Variants in ERO1A observed in about 807,000 individuals in gnomAD.
The protein encoded by ERO1A is endoplasmic reticulum oxidoreductase 1 alpha.
ERO1A carries 49 observed loss-of-function variants against 76.9 expected under a neutral mutation model. The observed-to-expected ratio is 0.64, with a 90% CI of 0.51 to 0.81. ERO1A has a LOEUF of 0.81. ERO1A is among the 30% of genes least tolerant of loss of function. The probability of loss-of-function intolerance (pLI) is 0.00; values close to 1 mark genes in which losing one functional copy is unlikely to be tolerated. For missense variants in ERO1A, 448 were observed against 542.1 expected (o/e 0.83, Z 1.72); for synonymous variants, 174 against 181.2 (o/e 0.96, Z 0.32).
intron 3 of ERO1A, among the ~76,000 whole-genome samples, chr14:52,681,597 C>G (rs1172233977): frequency 6.6e-6 from 1 of 150,826 alleles, no homozygotes; most frequent in African/African-American, 2.4e-5. Flanking sequence ...GGTGAGACAT[C>G]ATGTCAAAAA....
chr14:52,665,857 T>C (rs1194225607), intron 7 of ERO1A, among the ~76,000 whole-genome samples: 14 of 152,182 alleles, frequency 9.2e-5, no homozygotes, highest in Admixed American at 5.9e-4. Flanking sequence ...CACAGGGTTA[T>C]TGCAAGGACT....
Position 52,674,204 on chromosome 14 carries a change from A to C in ERO1A, c.358-2333T>G, listed in dbSNP as rs1253353964. ...TTACTTTCAGTCTATCGATTAAATG[A>C]AATAAATCGAACAATTTTTTTTTCT... On this transcript the variant is annotated intron_variant, in intron 4 of 15. Coordinates refer to ENST00000395686, the MANE Select transcript of ERO1A (RefSeq NM_014584.3). Among the ~76,000 whole-genome samples the C allele has an allele frequency of 2.0e-5, 3 of 152,316 alleles. No homozygotes were observed. In the East Asian group the frequency reaches 5.8e-4, roughly 29 times the overall value.
chr14:52,671,409 T>C (rs1479722116), intron 6 of ERO1A, among the ~76,000 whole-genome samples: 2 of 152,166 alleles, frequency 1.3e-5, no homozygotes, highest in African/African-American at 4.8e-5. Context: ...GCCAAACCGT[T>C]AGAAACTGAG....
chr14:52,671,338 A>G (rs2040589999), intron 6 of ERO1A, among the ~76,000 whole-genome samples: 1 of 152,160 alleles, frequency 6.6e-6, no homozygotes, highest in African/African-American at 2.4e-5. Context: ...TTTTGAGTAT[A>G]TACCTAGAAA....
chr14:52,670,466 G>C (rs898270057), intron 6 of ERO1A, among the ~76,000 whole-genome samples: 1 of 152,136 alleles, frequency 6.6e-6, no homozygotes, highest in African/African-American at 2.4e-5. Context: ...TGCAACCTCT[G>C]CCTCCTGGGT....
intron 6 of ERO1A, among the ~76,000 whole-genome samples, chr14:52,668,094 A>C (rs1371204859): frequency 6.6e-6 from 1 of 152,196 alleles, no homozygotes; most frequent in Non-Finnish European, 1.5e-5. Flanking sequence ...AGTGGCAATT[A>C]AAATAACTAG....
chr14:52,647,289 T>C (rs2039704901), intron 13 of ERO1A, among the ~76,000 whole-genome samples: 3 of 151,298 alleles, frequency 2.0e-5, no homozygotes, highest in South Asian at 4.2e-4. Flanking sequence ...CGTGAGCCAC[T>C]GTGCCCAGCC....
chr14:52,666,773 A>G (rs1446289318), intron 6 of ERO1A, among the ~76,000 whole-genome samples: 1 of 152,184 alleles, frequency 6.6e-6, no homozygotes, highest in African/African-American at 2.4e-5. Context: ...TCTACTAAAA[A>G]TACAAAAATT....
At chr14:52,692,649 C>G (rs1011125896) in intron 1 of ERO1A, among the ~76,000 whole-genome samples, 7 of 152,148 alleles carry the variant, frequency 4.6e-5, no homozygotes, top group African/African-American at 1.7e-4. Context: ...CTGTGCCTCC[C>G]ACGAATCCCC....
rs151129681 is a variant in ERO1A at position 52,690,206 on chromosome 14, G to C, written c.114+5162C>G. On this transcript the variant is annotated intron_variant, in intron 1 of 15. Coordinates refer to ENST00000395686, the MANE Select transcript of ERO1A (RefSeq NM_014584.3). The stretch of plus-strand genomic sequence containing the variant: ...ATAGGAGAAAAGCTCCATGACATTA[G>C]TCTTGGCAATGATTTTTTATGTGAC... 2.9e-3 allele frequency among the ~76,000 whole-genome samples: 439 copies of C among 152,214 alleles called. 1 individual carries two copies. Among genetic ancestry groups the C allele is most frequent in the African/African-American group, 9.9e-3 (413 of 41,546 alleles).
intron 1 of ERO1A, among the ~76,000 whole-genome samples, chr14:52,693,890 T>A (rs1485242162): frequency 1.3e-5 from 2 of 152,132 alleles, no homozygotes; most frequent in Non-Finnish European, 2.9e-5. Flanking sequence ...CAGAATTTTA[T>A]GTTAGGGAAG....
At chr14:52,682,433 A>G (rs1245975360) in intron 2 of ERO1A, 25 bp from the exon 3 acceptor site, 4 of 1,523,522 alleles carry the variant, frequency 2.6e-6, no homozygotes, top group African/African-American at 2.8e-5. Context: ...TAGAAAAAAA[A>G]TTATAAAAAT....
intron 4 of ERO1A, among the ~76,000 whole-genome samples, chr14:52,677,270 C>G (rs1405605805): frequency 1.3e-5 from 2 of 152,036 alleles, no homozygotes; most frequent in Non-Finnish European, 2.9e-5. Flanking sequence ...AGTGATCAAT[C>G]TTAACATCAA....
chr14:52,694,196 A>G (rs1348093990), intron 1 of ERO1A, among the ~76,000 whole-genome samples: 24 of 151,974 alleles, frequency 1.6e-4, no homozygotes, highest in Admixed American at 1.6e-3. Context: ...GTTGCGTTAT[A>G]TTTCTAATCA....
At chr14:52,681,072 C>T (rs892079414) in intron 3 of ERO1A, among the ~76,000 whole-genome samples, 1 of 152,084 alleles carries the variant, frequency 6.6e-6, no homozygotes, top group African/African-American at 2.4e-5. Context: ...CTGTTGAAGA[C>T]AGTATGGCAG....
intron 7 of ERO1A, 25 bp downstream of exon 7, chr14:52,666,350 T>G: frequency 6.5e-7 from 1 of 1,539,786 alleles, no homozygotes; most frequent in African/African-American, 1.4e-5. Context: ...TTATAGGAAT[T>G]TTTCTAAATG....
chr14:52,670,818 C>G (rs902801767), intron 6 of ERO1A, among the ~76,000 whole-genome samples: 3 of 152,062 alleles, frequency 2.0e-5, no homozygotes, highest in Admixed American at 6.5e-5. Context: ...TACATTTTTT[C>G]TAGAAACTGA....
Position 52,675,346 on chromosome 14 carries a change from G to T in ERO1A, c.357+3088C>A, listed in dbSNP as rs1416805578. ...TGCAGTGAGCCAAGATCGCGCCATT[G>T]CACTCCAGACTGTGGACAACAAGAG... On this transcript the variant is annotated intron_variant, in intron 4 of 15. Coordinates refer to ENST00000395686, the MANE Select transcript of ERO1A (RefSeq NM_014584.3). Among the ~76,000 whole-genome samples the T allele has an allele frequency of 2.0e-5, 3 of 151,596 alleles. No individual in the cohort carries two copies. In the East Asian group the frequency reaches 5.8e-4, roughly 30 times the overall value.
chr14:52,644,692 T>C (rs920607975), intron 15 of ERO1A, among the ~76,000 whole-genome samples: 3 of 152,150 alleles, frequency 2.0e-5, no homozygotes, highest in African/African-American at 7.2e-5. Context: ...ATTTAGTAAA[T>C]GTAGAAAGAA....
Sources: allele counts gnomAD v4.1 joint callset (sites outside exome capture counted in the v4.1 genomes callset), GRCh38; gene constraint gnomAD v4.1.1; transcripts MANE v1.5; gene names NCBI Gene and HGNC (gene_info 2026-07-23, HGNC 2026-07-21).